The following DLGAP2 variants were observed in gnomAD, a reference collection of about 807,000 sequenced individuals.
The protein encoded by DLGAP2 is disks large-associated protein 2.
Under a neutral mutation model 100.3 loss-of-function variants are expected in DLGAP2, and 26 were observed. That is an observed-to-expected ratio of 0.26 (90% CI 0.19 to 0.36). The LOEUF (loss-of-function observed/expected upper bound fraction) is 0.36, where lower values mean the gene tolerates loss of function less well. DLGAP2 is among the 10% of genes least tolerant of loss of function. DLGAP2 has a pLI of 1.00. For missense variants in DLGAP2, 1,858 were observed against 1,453.2 expected (o/e 1.28, Z -4.53); for synonymous variants, 886 against 630.1 (o/e 1.41, Z -6.08).
At chr8:1,314,529 A>G (rs7828479) in intron 3 of DLGAP2, among the ~76,000 whole-genome samples, 71,968 of 152,126 alleles carry the variant, frequency 0.47, 18,419 homozygotes, top group African/African-American at 0.67. Context: ...CAGGGGAGAC[A>G]TGGCCGAGTT....
chr8:1,357,444 G>A (rs1227540983), intron 3 of DLGAP2, among the ~76,000 whole-genome samples: 2 of 147,492 alleles, frequency 1.4e-5, no homozygotes, highest in Non-Finnish European at 3.0e-5. Flanking sequence ...AACAGTCACT[G>A]CAATTATCAG....
At position 1,478,621 on chromosome 8, in the gene DLGAP2, C is replaced by G. The variant is rs1426591869; in HGVS notation, c.107-22745C>G. On this transcript the variant is annotated intron_variant, in intron 3 of 14. Coordinates refer to ENST00000637795, the MANE Select transcript of DLGAP2 (RefSeq NM_001346810.2). ...ACCTGGATGGCAGCCACCCCCACCC[C>G]ACAAGGCCCTCCTTTCTCTATTCCT... Among the ~76,000 whole-genome samples, 3 of 151,740 alleles carry G rather than the reference C, an allele frequency of 2.0e-5. No individual in the cohort carries two copies. The East Asian group carries it at 5.8e-4, about 29-fold the overall frequency.
chr8:806,770 A>G (rs1233868294), intron 1 of DLGAP2, among the ~76,000 whole-genome samples: 4 of 152,208 alleles, frequency 2.6e-5, no homozygotes, highest in South Asian at 2.1e-4. Context: ...CTCCTACTCA[A>G]TTACAATTTG....
intron 1 of DLGAP2, among the ~76,000 whole-genome samples, chr8:904,728 C>T (rs574623650): frequency 4.6e-5 from 7 of 152,256 alleles, no homozygotes; most frequent in South Asian, 2.1e-4. Flanking sequence ...TCGGGGTGAC[C>T]GCTGAGTATA....
chr8:1,678,861 T>G (rs1798876011), intron 12 of DLGAP2: 1 of 464,378 alleles, frequency 2.2e-6, no homozygotes, highest in Non-Finnish European at 3.6e-6. Context: ...TCAGGTAAGT[T>G]GAATAGAAAA....
chr8:865,687 G>A (rs148139444), intron 1 of DLGAP2, among the ~76,000 whole-genome samples: 27 of 152,310 alleles, frequency 1.8e-4, no homozygotes, highest in Admixed American at 3.9e-4. Flanking sequence ...ATGGCCACTC[G>A]CCCTCACAAC....
chr8:1,241,302 C>T (rs115878191), intron 2 of DLGAP2, among the ~76,000 whole-genome samples: 4,616 of 150,902 alleles, frequency 0.031, 201 homozygotes, highest in African/African-American at 0.11. Flanking sequence ...TCACATGGAG[C>T]CGTGTCTAGT....
chr8:959,289 G>A (rs1028436241), intron 2 of DLGAP2, among the ~76,000 whole-genome samples: 1 of 152,202 alleles, frequency 6.6e-6, no homozygotes, highest in Non-Finnish European at 1.5e-5. Context: ...TGGGGAAGGA[G>A]GTCTCAAGTG....
chr8:999,547 C>T (rs1376752758), intron 2 of DLGAP2, among the ~76,000 whole-genome samples: 4 of 150,132 alleles, frequency 2.7e-5, no homozygotes, highest in Admixed American at 6.6e-5. Context: ...GGTGCAATCT[C>T]GGCTCACTGC....
intron 2 of DLGAP2, among the ~76,000 whole-genome samples, chr8:1,207,309 T>G (rs1798017634): frequency 6.6e-6 from 1 of 152,216 alleles, no homozygotes; most frequent in Admixed American, 6.5e-5. Flanking sequence ...AGCTCCCACT[T>G]GTAAGTGAGC....
At chr8:1,679,135 C>T (rs1237333420) in intron 12 of DLGAP2, 2 of 152,114 alleles carry the variant, frequency 1.3e-5, no homozygotes, top group African/African-American at 4.8e-5. Context: ...CATTCCTCTA[C>T]CAGAGTCACC....
chr8:1,577,974 G>T lies in DLGAP2; in HGVS notation c.1442+12080G>T, dbSNP rs1437582186. Among the ~76,000 whole-genome samples, 5 of 152,308 alleles carry T rather than the reference G, an allele frequency of 3.3e-5. No individual in the cohort carries two copies. The East Asian group carries it at 9.6e-4, about 29-fold the overall frequency. ...ATCTGCATTAATGTAATCTGATAACGTTTTGTTGGTAAATTACGTAGACAC... is the reference window on the plus strand; with the variant it reads ...ATCTGCATTAATGTAATCTGATAACTTTTTGTTGGTAAATTACGTAGACAC... On this transcript the variant is annotated intron_variant, in intron 6 of 14. Coordinates refer to ENST00000637795, the MANE Select transcript of DLGAP2 (RefSeq NM_001346810.2).
chr8:1,099,418 C>G (rs1318939728), intron 2 of DLGAP2, among the ~76,000 whole-genome samples: 1 of 152,176 alleles, frequency 6.6e-6, no homozygotes, highest in African/African-American at 2.4e-5. Flanking sequence ...AACAAATTAC[C>G]GAGTGTCTGG....
intron 6 of DLGAP2, among the ~76,000 whole-genome samples, chr8:1,610,483 A>G (rs1360179592): frequency 2.0e-5 from 3 of 146,492 alleles, no homozygotes; most frequent in Non-Finnish European, 4.5e-5. Context: ...AAAGAACTAG[A>G]AAAGCAAGAG....
In DLGAP2 at chr8:1,172,482, C is replaced by G. The variant is rs537236918; in HGVS notation, c.74-86369C>G. On this transcript the variant is annotated intron_variant, in intron 2 of 14. Transcript: ENST00000637795. Reference sequence around the variant, plus strand: ...TGGATAATATCCTGCAGAGTGTTTTCCAACTTGGTTCTGTTCTCCCTGTCA... The same window carrying G: ...TGGATAATATCCTGCAGAGTGTTTTGCAACTTGGTTCTGTTCTCCCTGTCA... 1.8e-4 allele frequency among the ~76,000 whole-genome samples: 27 copies of G among 152,286 alleles called. No individual in the cohort carries two copies. The East Asian group carries it at 5.0e-3, about 28-fold the overall frequency.
At chr8:1,605,919 G>A (rs1277510222) in intron 6 of DLGAP2, among the ~76,000 whole-genome samples, 2 of 152,172 alleles carry the variant, frequency 1.3e-5, no homozygotes, top group African/African-American at 4.8e-5. Context: ...ATCTCAGCTC[G>A]AGCTCGTGCT....
rs1398039061 is a variant in DLGAP2 at position 1,375,174 on chromosome 8, G to A, written c.106+116291G>A. Among the ~76,000 whole-genome samples the A allele has an allele frequency of 2.2e-5, 2 of 90,386 alleles. 1 individual carries two copies. Among genetic ancestry groups the A allele is most frequent in the Non-Finnish European group, 3.9e-5 (2 of 50,946 alleles). 59.3% of individuals were successfully genotyped at this position (90,386 alleles called of 152,430 possible). Reference sequence around the variant, plus strand: ...CTGATCCCCCACCTCCTACATTTGGGTTAACGACCCCTCTCCACGGCCTCA... The same window carrying A: ...CTGATCCCCCACCTCCTACATTTGGATTAACGACCCCTCTCCACGGCCTCA... On this transcript the variant is annotated intron_variant, in intron 3 of 14. Coordinates refer to ENST00000637795, the MANE Select transcript of DLGAP2 (RefSeq NM_001346810.2).
Position 1,378,452 on chromosome 8 carries a change from C to T in DLGAP2, c.106+119569C>T, listed in dbSNP as rs574024526. On this transcript the variant is annotated intron_variant, in intron 3 of 14. Coordinates refer to ENST00000637795, the MANE Select transcript of DLGAP2 (RefSeq NM_001346810.2). ...CACCTGACCTCACCTGTCCATCCTG[C>T]GCACACCTGACTTCGCCTGTCCATC... 1.3e-3 allele frequency among the ~76,000 whole-genome samples: 196 copies of T among 151,802 alleles called. 3 individuals are homozygous for T. Among genetic ancestry groups the T allele is most frequent in the African/African-American group, 4.2e-3 (174 of 41,364 alleles).
intron 1 of DLGAP2, among the ~76,000 whole-genome samples, chr8:839,853 G>A (rs2132714222): frequency 6.6e-6 from 1 of 152,268 alleles, no homozygotes; most frequent in Non-Finnish European, 1.5e-5. Context: ...TTGATCCACG[G>A]CCTCTTCTCC....
Sources: allele counts gnomAD v4.1 joint callset (sites outside exome capture counted in the v4.1 genomes callset), GRCh38; gene constraint gnomAD v4.1.1; transcripts MANE v1.5; gene names NCBI Gene and HGNC (gene_info 2026-07-23, HGNC 2026-07-21).